Variants in EXD1 observed in about 807,000 individuals in gnomAD.
EXD1 encodes exonuclease 3'-5' domain containing 1.
EXD1 carries 63 observed loss-of-function variants against 49.1 expected under a neutral mutation model. The observed-to-expected ratio is 1.28, with a 90% CI of 1.05 to 1.58. The LOEUF (loss-of-function observed/expected upper bound fraction) is 1.58, where lower values mean the gene tolerates loss of function less well. Among genes scored for constraint, EXD1 ranks in the 40% most tolerant of loss-of-function variants. The pLI, the probability that EXD1 is intolerant of heterozygous loss-of-function variation, is 0.00. For synonymous variants in EXD1, 234 were observed against 239.2 expected (o/e 0.98, Z 0.20); for missense variants, 748 against 666.0 (o/e 1.12, Z -1.36).
intron 9 of EXD1, among the ~76,000 whole-genome samples, chr15:41,195,421 ATGTGAT>A (rs1374832186): frequency 6.6e-6 from 1 of 152,162 alleles, no homozygotes; most frequent in East Asian, 1.9e-4. Context: ...AGAGGCAGAT[ATGTGAT>A]TGTTCATCTC....
At position 41,230,668 on chromosome 15, in the gene EXD1, C is replaced by A; in HGVS notation, c.-243G>T. ...CGCCACCCGGCGGCGGTTATCAAAT[C>A]ACAGGCTGAAAACCTGGAGAAAGGT... is the stretch of plus-strand genomic sequence containing the variant. On this transcript the variant is annotated 5_prime_UTR_variant, in exon 1 of 12. Coordinates refer to ENST00000458580, the MANE Select transcript of EXD1 (RefSeq NM_001286441.2). 1 of 1,082,478 alleles carries A rather than the reference C, an allele frequency of 9.2e-7. No homozygotes were observed. The highest frequency in any genetic ancestry group is 1.3e-6 in the Non-Finnish European group (1 of 748,560). 67.1% of individuals were successfully genotyped at this position (1,082,478 alleles called of 1,614,324 possible).
intron 7 of EXD1, among the ~76,000 whole-genome samples, chr15:41,202,075 G>C (rs934736033): frequency 6.6e-6 from 1 of 151,884 alleles, no homozygotes; most frequent in Non-Finnish European, 1.5e-5. Context: ...TGCCACTTCT[G>C]TCATTTCAGG....
At chr15:41,212,948 G>A (rs1034012146) in intron 6 of EXD1, among the ~76,000 whole-genome samples, 1 of 152,036 alleles carries the variant, frequency 6.6e-6, no homozygotes, top group African/African-American at 2.4e-5. Context: ...GGCTAAGGTG[G>A]GAGGATTGCT....
chr15:41,192,523 T>C (rs2046537254), intron 9 of EXD1, among the ~76,000 whole-genome samples: 1 of 151,054 alleles, frequency 6.6e-6, no homozygotes, highest in Non-Finnish European at 1.5e-5. Context: ...TCTCGATCTC[T>C]TGACCTCGTG....
intron 7 of EXD1, among the ~76,000 whole-genome samples, chr15:41,205,652 C>T (rs1286445265): frequency 1.4e-5 from 2 of 148,084 alleles, no homozygotes. Flanking sequence ...GTGGGATGTG[C>T]CTGTAGTCCC....
intron 3 of EXD1, 84 bp from the exon 4 acceptor site, chr15:41,217,238 A>G: frequency 1.8e-6 from 2 of 1,100,658 alleles, no homozygotes; most frequent in Non-Finnish European, 2.7e-6. Context: ...CCCTAGTTTA[A>G]CCATGTACTG....
Position 41,183,964 on chromosome 15 carries a change from A to G in EXD1, c.1686T>C (p.Asp562=), listed in dbSNP as rs200506754. ...LPPCPALEKI[D]SWISPFLNLP The stretch of plus-strand genomic sequence containing the variant: ...GATTTAGAAAAGGACTTATCCAGGA[A>G]TCGATCTTCTCCAAGGCTGGACAGG... Residue 562 remains aspartate (D), a synonymous_variant, in exon 12 of 12, where the codon GAT becomes GAC. Coordinates refer to ENST00000458580, the MANE Select transcript of EXD1 (RefSeq NM_001286441.2). 58 of 1,607,232 alleles carry G rather than the reference A, an allele frequency of 3.6e-5. No homozygotes were observed. Among genetic ancestry groups the G allele is most frequent in the Admixed American group, 2.0e-4 (12 of 58,764 alleles).
intron 7 of EXD1, 115 bp from the exon 8 acceptor site, chr15:41,196,152 A>G: frequency 1.3e-6 from 1 of 757,074 alleles, no homozygotes; most frequent in South Asian, 2.2e-5. Context: ...CACTTTATTT[A>G]TTTATTTATT....
At chr15:41,189,053 T>TA (rs766006715) in intron 11 of EXD1, among the ~76,000 whole-genome samples, 5 of 151,942 alleles carry the variant, frequency 3.3e-5, no homozygotes, top group Non-Finnish European at 5.9e-5. Context: ...TATAGTTTTT[T>TA]ATATCTCTCT....
intron 7 of EXD1, among the ~76,000 whole-genome samples, chr15:41,198,225 G>C (rs892522536): frequency 2.0e-5 from 3 of 152,046 alleles, no homozygotes; most frequent in African/African-American, 7.2e-5. Context: ...GATGCTCCCA[G>C]AGTTTCAGGA....
rs747374703 is a variant in EXD1, at chr15:41,216,814, A to G, written c.261-19T>C. On this transcript the variant is annotated intron_variant, in intron 4 of 11. Coordinates refer to ENST00000458580, the MANE Select transcript of EXD1 (RefSeq NM_001286441.2). ...ATGTAGACTATCCTTACAAGAAACAATATTTGGGTGAACTTGTTCTTTGTT... is the reference window on the plus strand; with the variant it reads ...ATGTAGACTATCCTTACAAGAAACAGTATTTGGGTGAACTTGTTCTTTGTT... 2.5e-6 allele frequency: 4 copies of G among 1,611,252 alleles called. No homozygotes were observed. Among genetic ancestry groups the G allele is most frequent in the Non-Finnish European group, 3.4e-6 (4 of 1,179,480 alleles).
At chr15:41,207,526 GA>G (rs1465276523) in intron 7 of EXD1, among the ~76,000 whole-genome samples, 1 of 151,506 alleles carries the variant, frequency 6.6e-6, no homozygotes, top group African/African-American at 2.4e-5. Context: ...CAGGCGACAA[GA>G]GCAAAATTTC....
In EXD1 at chr15:41,183,939, G is replaced by C. The variant is rs1043680035; in HGVS notation, c.1711C>G (p.Leu571Val). ...IDSWISPFLN[L>V]P The stretch of plus-strand genomic sequence containing the variant: ...GAACAAACTGCCCATCTCTAGGGCA[G>C]ATTTAGAAAAGGACTTATCCAGGAA... Residue 571 changes from leucine (L) to valine (V), a missense_variant, in exon 12 of 12, where the codon CTG becomes GTG. Coordinates refer to ENST00000458580, the MANE Select transcript of EXD1 (RefSeq NM_001286441.2). 38 of 1,591,910 alleles carry C rather than the reference G, an allele frequency of 2.4e-5. No individual in the cohort carries two copies. Among genetic ancestry groups the C allele is most frequent in the Non-Finnish European group, 3.0e-5 (35 of 1,169,266 alleles).
intron 7 of EXD1, among the ~76,000 whole-genome samples, chr15:41,197,676 TCC>T (rs1486201041): frequency 2.0e-5 from 3 of 151,036 alleles, no homozygotes; most frequent in Non-Finnish European, 4.4e-5. Context: ...ACAGTTTCAC[TCC>T]TGTTGCCCAG....
chr15:41,210,485 G>C (rs1209310443), intron 6 of EXD1, among the ~76,000 whole-genome samples: 1 of 152,068 alleles, frequency 6.6e-6, no homozygotes, highest in Non-Finnish European at 1.5e-5. Context: ...TGAGCCCAAG[G>C]GTTTCAGACC....
intron 3 of EXD1, among the ~76,000 whole-genome samples, chr15:41,217,955 G>A (rs2047026520): frequency 6.6e-6 from 1 of 152,172 alleles, no homozygotes; most frequent in Non-Finnish European, 1.5e-5. Context: ...ATGCTGATTA[G>A]CCATTATTAT....
At chr15:41,201,293 A>G (rs1264378792) in intron 7 of EXD1, among the ~76,000 whole-genome samples, 1 of 152,130 alleles carries the variant, frequency 6.6e-6, no homozygotes, top group Non-Finnish European at 1.5e-5. Context: ...CTCATTATTA[A>G]CAACTGGAAA....
chr15:41,229,430 GCA>G (rs760106087), intron 1 of EXD1, among the ~76,000 whole-genome samples: 3 of 151,926 alleles, frequency 2.0e-5, no homozygotes, highest in Non-Finnish European at 4.4e-5. Context: ...AGCCGAAAAT[GCA>G]CAGTGATCAG....
intron 7 of EXD1, among the ~76,000 whole-genome samples, chr15:41,196,719 C>T (rs1056111782): frequency 6.6e-6 from 1 of 151,746 alleles, no homozygotes; most frequent in Non-Finnish European, 1.5e-5. Context: ...GCATGAGCCA[C>T]TGCACCTGGC....
Sources: gnomAD v4.1 joint callset for allele counts (sites outside exome capture counted in the v4.1 genomes callset) on GRCh38, gnomAD v4.1.1 for gene constraint, MANE v1.5 for transcripts, NCBI Gene and HGNC (gene_info 2026-07-23, HGNC 2026-07-21) for gene names.